PDE11A: variants seen among roughly 807,000 people sequenced by gnomAD.
PDE11A encodes the protein dual 3',5'-cyclic-AMP and -GMP phosphodiesterase 11A.
In PDE11A, 100 loss-of-function variants were observed where a neutral mutation model predicts 100.5. The observed-to-expected ratio is 1.00, with a 90% CI of 0.85 to 1.18. The LOEUF is 1.18. PDE11A is among the 50% of genes most tolerant of loss of function. PDE11A has a pLI of 0.00. For missense variants in PDE11A, 1,141 were observed against 1,152.6 expected (o/e 0.99, Z 0.15); for synonymous variants, 381 against 420.8 (o/e 0.91, Z 1.16).
chr2:178,050,663 T>A (rs1441332264), intron 1 of PDE11A, among the ~76,000 whole-genome samples: 1 of 152,104 alleles, frequency 6.6e-6, no homozygotes, highest in Non-Finnish European at 1.5e-5. Context: ...AGACCTTAAA[T>A]GACCTGATGG....
chr2:177,760,307 A>G lies in PDE11A; in HGVS notation c.1788+9016T>C, dbSNP rs186578449. Among the ~76,000 whole-genome samples the G allele has an allele frequency of 2.2e-4, 33 of 152,312 alleles. No individual in the cohort carries two copies. The East Asian group carries it at 5.6e-3, about 26-fold the overall frequency. On this transcript the variant is annotated intron_variant, in intron 10 of 19. Coordinates refer to ENST00000286063, the MANE Select transcript of PDE11A (RefSeq NM_016953.4). ...AAACATTTATAGGTAGCATTAGTGTATAGTTTTTATACTGATGAGATTGAG... is the reference window on the plus strand; with the variant it reads ...AAACATTTATAGGTAGCATTAGTGTGTAGTTTTTATACTGATGAGATTGAG...
chr2:177,873,383 T>C (rs1204819126), intron 5 of PDE11A, among the ~76,000 whole-genome samples: 1 of 152,214 alleles, frequency 6.6e-6, no homozygotes, highest in Non-Finnish European at 1.5e-5. Flanking sequence ...GGAAAATTGC[T>C]GAGTATACTA....
intron 9 of PDE11A, among the ~76,000 whole-genome samples, chr2:177,808,661 G>T (rs894245938): frequency 1.3e-5 from 2 of 152,014 alleles, no homozygotes; most frequent in African/African-American, 4.8e-5. Flanking sequence ...ATTTGCCCAG[G>T]ATGTGACATG....
At chr2:177,840,805 T>C (rs1218761852) in intron 5 of PDE11A, among the ~76,000 whole-genome samples, 3 of 152,174 alleles carry the variant, frequency 2.0e-5, no homozygotes, top group Admixed American at 2.0e-4. Flanking sequence ...AGGAAGTAAA[T>C]TGGGAATTTA....
At chr2:177,941,220 G>C (rs912466918) in intron 2 of PDE11A, among the ~76,000 whole-genome samples, 1 of 152,166 alleles carries the variant, frequency 6.6e-6, no homozygotes, top group Non-Finnish European at 1.5e-5. Flanking sequence ...GGAAACTGTG[G>C]CTTGAAGACA....
intron 1 of PDE11A, among the ~76,000 whole-genome samples, chr2:178,068,966 A>G (rs1488265797): frequency 2.6e-5 from 4 of 152,230 alleles, no homozygotes; most frequent in Non-Finnish European, 5.9e-5. Flanking sequence ...ACCTGGTTTC[A>G]AAATACTTAA....
intron 2 of PDE11A, among the ~76,000 whole-genome samples, chr2:178,091,723 C>T (rs776371579): frequency 6.6e-6 from 1 of 152,140 alleles, no homozygotes; most frequent in Non-Finnish European, 1.5e-5. Context: ...CCCTTCCACC[C>T]AGGCCCTGCT....
At chr2:177,965,488 T>G (rs1397421129) in intron 2 of PDE11A, among the ~76,000 whole-genome samples, 1 of 152,210 alleles carries the variant, frequency 6.6e-6, no homozygotes, top group African/African-American at 2.4e-5. Context: ...GTTTTATAGT[T>G]TTAAGTTTTA....
At chr2:177,744,103 A>T (rs1335310171) in intron 10 of PDE11A, among the ~76,000 whole-genome samples, 1 of 152,132 alleles carries the variant, frequency 6.6e-6, no homozygotes, top group East Asian at 1.9e-4. Context: ...CCAAATGGGG[A>T]CTCCAGTTCA....
chr2:177,759,173 G>GCACACACACACACA (rs10541503), intron 10 of PDE11A, among the ~76,000 whole-genome samples: 35 of 147,518 alleles, frequency 2.4e-4, no homozygotes, highest in African/African-American at 7.6e-4. Context: ...TGGAGCACGT[G>GCACACACACACACA]CACACACACA....
chr2:177,842,054 GT>G (rs540763310), intron 5 of PDE11A, among the ~76,000 whole-genome samples: 91 of 152,330 alleles, frequency 6.0e-4, no homozygotes, highest in African/African-American at 1.9e-3. Flanking sequence ...TCATTTCTAA[GT>G]TTATAAAAGG....
intron 19 of PDE11A, among the ~76,000 whole-genome samples, chr2:177,652,934 G>T (rs969976156): frequency 2.6e-5 from 4 of 152,086 alleles, no homozygotes; most frequent in Non-Finnish European, 4.4e-5. Context: ...AACATTCTGT[G>T]GACCTTATCT....
chr2:177,827,650 T>C (rs1469160107), intron 6 of PDE11A, among the ~76,000 whole-genome samples: 3 of 152,240 alleles, frequency 2.0e-5, no homozygotes, highest in South Asian at 4.1e-4. Flanking sequence ...TTTATTTTAA[T>C]GCATTCTTTG....
intron 6 of PDE11A, among the ~76,000 whole-genome samples, chr2:177,822,263 G>A (rs1350980258): frequency 6.6e-6 from 1 of 151,454 alleles, no homozygotes; most frequent in African/African-American, 2.4e-5. Context: ...TGATTTTCAT[G>A]TATAATATGA....
At chr2:177,690,623 G>C (rs2081028119) in intron 15 of PDE11A, among the ~76,000 whole-genome samples, 1 of 152,196 alleles carries the variant, frequency 6.6e-6, no homozygotes, top group Non-Finnish European at 1.5e-5. Context: ...TTCGAGAAAT[G>C]CTATTTACTG....
intron 5 of PDE11A, among the ~76,000 whole-genome samples, chr2:177,868,454 T>C (rs899857912): frequency 1.3e-5 from 2 of 152,198 alleles, no homozygotes; most frequent in Non-Finnish European, 2.9e-5. Flanking sequence ...AAAAATGCTA[T>C]GAGGCAATGC....
intron 5 of PDE11A, among the ~76,000 whole-genome samples, chr2:177,845,190 C>T (rs1396865010): frequency 1.5e-4 from 22 of 151,084 alleles, no homozygotes; most frequent in African/African-American, 4.6e-4. Context: ...ACCTCCCTCC[C>T]GGACGGGGTG....
intron 1 of PDE11A, among the ~76,000 whole-genome samples, chr2:178,035,321 AC>A (rs1231316788): frequency 6.6e-6 from 1 of 152,176 alleles, no homozygotes; most frequent in Non-Finnish European, 1.5e-5. Flanking sequence ...TCAAGACTAA[AC>A]CAGGAAGAAG....
chr2:177,993,864 A>G (rs1484428023), intron 2 of PDE11A, among the ~76,000 whole-genome samples: 1 of 152,066 alleles, frequency 6.6e-6, no homozygotes, highest in Non-Finnish European at 1.5e-5. Context: ...TACCTACCTC[A>G]TAAGAATATT....
Sources: allele counts gnomAD v4.1 joint callset (sites outside exome capture counted in the v4.1 genomes callset), GRCh38; gene constraint gnomAD v4.1.1; transcripts MANE v1.5; gene names NCBI Gene and HGNC (gene_info 2026-07-23, HGNC 2026-07-21).